Variants in MLYCD observed in about 807,000 individuals in gnomAD.
MLYCD encodes malonyl-CoA decarboxylase, mitochondrial.
A neutral mutation model predicts 35.8 loss-of-function variants in MLYCD; 27 were observed. That is an observed-to-expected ratio of 0.75 (90% CI 0.56 to 1.04). The LOEUF (loss-of-function observed/expected upper bound fraction) is 1.04, where lower values mean the gene tolerates loss of function less well. MLYCD is among the 50% of genes least tolerant of loss of function. The pLI is 0.00. For synonymous variants in MLYCD, 403 were observed against 302.4 expected (o/e 1.33, Z -3.45); for missense variants, 917 against 665.1 (o/e 1.38, Z -4.17).
chr16:83,900,582 A>ATTTTTTT (rs1156957811), intron 1 of MLYCD, among the ~76,000 whole-genome samples: 5 of 121,066 alleles, frequency 4.1e-5, no homozygotes, highest in African/African-American at 6.3e-5. Context: ...TGCCCGGCTA[A>ATTTTTTT]TTTTTTTTTT....
intron 3 of MLYCD, among the ~76,000 whole-genome samples, chr16:83,909,587 C>G (rs948938438): frequency 6.6e-6 from 1 of 150,714 alleles, no homozygotes; most frequent in African/African-American, 2.4e-5. Flanking sequence ...TGTTATTGCC[C>G]TGAGCACCCT....
chr16:83,899,721 T>C (rs749494289), intron 1 of MLYCD, 49 bp downstream of exon 1: 1 of 1,476,088 alleles, frequency 6.8e-7, no homozygotes, highest in Admixed American at 2.2e-5. Flanking sequence ...GCCGCCCTCC[T>C]CGAGTAGTCC....
At chr16:83,900,732 A>C (rs1906756706) in intron 1 of MLYCD, among the ~76,000 whole-genome samples, 1 of 152,036 alleles carries the variant, frequency 6.6e-6, no homozygotes, top group Non-Finnish European at 1.5e-5. Context: ...GTGTTAAAAA[A>C]AAATTGAACA....
Position 83,915,069 on chromosome 16 carries a change from C to G in MLYCD, c.1062C>G (p.Leu354=), listed in dbSNP as rs757083879. 9 of 1,614,132 alleles carry G rather than the reference C, an allele frequency of 5.6e-6. No individual in the cohort carries two copies. The highest frequency in any genetic ancestry group is 1.7e-5 in the Admixed American group (1 of 60,006). ...SQTKEHGRNE[L]FTDSECKEIS... is the part of the protein sequence containing the mutation. ...CGAAGGAGCATGGGAGGAATGAACT[C>G]TTTACAGATTCGGAATGTAAGGAAA... Residue 354 remains leucine (L), a synonymous_variant, in exon 5 of 5, where the codon CTC becomes CTG. Transcript: ENST00000262430.
chr16:83,908,817 AC>A (rs1907072254), intron 3 of MLYCD, among the ~76,000 whole-genome samples: 1 of 152,226 alleles, frequency 6.6e-6, no homozygotes, highest in Admixed American at 6.5e-5. Context: ...AATGTCTGAA[AC>A]ACTCCTGCAG....
At chr16:83,904,957 C>T (rs1039891236) in intron 1 of MLYCD, among the ~76,000 whole-genome samples, 8 of 152,226 alleles carry the variant, frequency 5.3e-5, no homozygotes, top group African/African-American at 1.9e-4. Flanking sequence ...TGGCCTCTTT[C>T]GTGCCCTAGT....
chr16:83,926,786 G>T lies in MLYCD; in HGVS notation c.*11297G>T, dbSNP rs1907820841. The T allele has an allele frequency of 6.6e-6, 1 of 152,252 alleles. No individual in the cohort carries two copies. The highest frequency in any genetic ancestry group is 1.5e-5 in the Non-Finnish European group (1 of 68,072). 9.4% of individuals were successfully genotyped at this position (152,252 alleles called of 1,614,324 possible). On this transcript the variant is annotated 3_prime_UTR_variant, in exon 5 of 5. Transcript: ENST00000262430. ...ATGCTGAAAATGAGTCTCTGGGACA[G>T]ATGGATCCCAGTCTGGGTCCTCGCA...
In MLYCD at chr16:83,915,261, C is replaced by A; in HGVS notation, c.1254C>A (p.Pro418=). 5 of 1,612,294 alleles carry A rather than the reference C, an allele frequency of 3.1e-6. No individual in the cohort carries two copies. Among genetic ancestry groups the A allele is most frequent in the Non-Finnish European group, 2.5e-6 (3 of 1,178,466 alleles). The change falls in exon 5 of 5, where the codon CCC becomes CCA. Residue 418 remains proline, a synonymous_variant. Transcript: ENST00000262430. ...GEKHRGYALN[P]VANFHLQNGA... is the part of the protein sequence containing the mutation. Reference sequence around the variant, plus strand: ...AGCACCGCGGCTACGCGCTGAACCCCGTGGCCAACTTCCACCTGCAGAACG... The same window carrying A: ...AGCACCGCGGCTACGCGCTGAACCCAGTGGCCAACTTCCACCTGCAGAACG...
chr16:83,899,232 G>A lies in MLYCD; in HGVS notation c.88G>A (p.Gly30Arg), dbSNP rs1238509627. ...GCCGCCCGGGCCCCGGCTGGCGAGC[G>A]GGCAGGCGGCCGGCGCCCTGGAGCG... is the stretch of plus-strand genomic sequence containing the variant. ...PRPPGPRLAS[G>R]QAAGALERAM... Residue 30 changes from glycine to arginine, a missense_variant, in exon 1 of 5, where the codon GGG becomes AGG. Transcript: ENST00000262430. 4.8e-6 allele frequency: 6 copies of A among 1,247,032 alleles called. No individual in the cohort carries two copies. In the South Asian group the frequency reaches 1.2e-4, roughly 26 times the overall value. 77.2% of individuals were successfully genotyped at this position (1,247,032 alleles called of 1,614,324 possible).
rs565872083 is a variant in MLYCD at position 83,917,189 on chromosome 16, C to T, written c.*1700C>T. ...TGTGCACGAGCGTCTCTGTGTGTGTCAGTGCACGTCTGTGTGTGCACGAGC... is the reference window on the plus strand; with the variant it reads ...TGTGCACGAGCGTCTCTGTGTGTGTTAGTGCACGTCTGTGTGTGCACGAGC... On this transcript the variant is annotated 3_prime_UTR_variant, in exon 5 of 5. Transcript: ENST00000262430. 3.6e-5 allele frequency: 5 copies of T among 139,484 alleles called. No homozygotes were observed. Among genetic ancestry groups the T allele is most frequent in the Non-Finnish European group, 7.6e-5 (5 of 66,060 alleles). 8.6% of individuals were successfully genotyped at this position (139,484 alleles called of 1,614,324 possible).
rs1179004849 is a variant in MLYCD, at chr16:83,917,182, T to G, written c.*1693T>G. ...GTGTGCGTGTGCACGAGCGTCTCTGTGTGTGTCAGTGCACGTCTGTGTGTG... is the reference window on the plus strand; with the variant it reads ...GTGTGCGTGTGCACGAGCGTCTCTGGGTGTGTCAGTGCACGTCTGTGTGTG... On this transcript the variant is annotated 3_prime_UTR_variant, in exon 5 of 5. Transcript: ENST00000262430. The G allele has an allele frequency of 7.0e-6, 1 of 143,570 alleles. No homozygotes were observed. Among genetic ancestry groups the G allele is most frequent in the African/African-American group, 2.6e-5 (1 of 37,758 alleles). 8.9% of individuals were successfully genotyped at this position (143,570 alleles called of 1,614,324 possible).
At chr16:83,901,608 C>G (rs1158192020) in intron 1 of MLYCD, among the ~76,000 whole-genome samples, 3 of 152,204 alleles carry the variant, frequency 2.0e-5, no homozygotes, top group Admixed American at 1.3e-4. Flanking sequence ...TCTGAATTCT[C>G]TGGTTCTGTG....
At position 83,920,533 on chromosome 16, in the gene MLYCD, C is replaced by G. The variant is rs892605408; in HGVS notation, c.*5044C>G. The G allele has an allele frequency of 6.6e-6, 1 of 152,386 alleles. No homozygotes were observed. The highest frequency in any genetic ancestry group is 2.4e-5 in the African/African-American group (1 of 41,448). 9.4% of individuals were successfully genotyped at this position (152,386 alleles called of 1,614,324 possible). On this transcript the variant is annotated 3_prime_UTR_variant, in exon 5 of 5. Transcript: ENST00000262430. ...CTCTTCCCTTTCCCCTTCCTCCCTC[C>G]TGCCCTCGAATCTGCAAGGTCTCTC...
chr16:83,912,140 C>A (rs999111142), intron 3 of MLYCD, 78 bp from the exon 4 acceptor site: 7 of 1,593,796 alleles, frequency 4.4e-6, no homozygotes, highest in Admixed American at 1.7e-5. Flanking sequence ...GAATTGTCTT[C>A]TCGTCCCAGC....
At chr16:83,909,231 C>G (rs934547346) in intron 3 of MLYCD, among the ~76,000 whole-genome samples, 1 of 151,618 alleles carries the variant, frequency 6.6e-6, no homozygotes, top group African/African-American at 2.4e-5. Context: ...CAATTCCACT[C>G]CTAGGAACTT....
At position 83,925,751 on chromosome 16, in the gene MLYCD, C is replaced by A. The variant is rs147883247; in HGVS notation, c.*10262C>A. On this transcript the variant is annotated 3_prime_UTR_variant, in exon 5 of 5. Transcript: ENST00000262430. Reference sequence around the variant, plus strand: ...TGCGTGGCACATGCTCCTCCCTCTTCTTGAAACGCTCTCCCCTCCCTGCCT... The same window carrying A: ...TGCGTGGCACATGCTCCTCCCTCTTATTGAAACGCTCTCCCCTCCCTGCCT... The A allele has an allele frequency of 6.5e-6, 1 of 152,720 alleles. No individual in the cohort carries two copies. Among genetic ancestry groups the A allele is most frequent in the Non-Finnish European group, 1.5e-5 (1 of 68,332 alleles). The allele number at this position is 152,720 out of a possible 1,614,324, so 9.5% of individuals were successfully genotyped here. A position where few individuals can be genotyped will look rare whatever the true frequency, so the allele number is the denominator to read the frequency against.
At chr16:83,904,411 G>T (rs2151055623) in intron 1 of MLYCD, among the ~76,000 whole-genome samples, 1 of 152,218 alleles carries the variant, frequency 6.6e-6, no homozygotes, top group South Asian at 2.1e-4. Context: ...AGTGTGAGAG[G>T]ATCCCAGGAA....
In MLYCD at chr16:83,915,352, G is replaced by T; in HGVS notation, c.1345G>T (p.Gly449Cys). The change falls in exon 5 of 5, where the codon GGC becomes TGC. Residue 449 changes from glycine (G) to cysteine (C), a missense_variant. Gly to Cys is a radical substitution (Grantham distance 159). Transcript: ENST00000262430. ...VSLRGITGSC[G>C]LMANYRYFLE... ...CCTCAGAGGCATCACCGGCTCCTGC[G>T]GCCTGATGGCCAACTACCGCTACTT... 1 of 1,613,738 alleles carries T rather than the reference G, an allele frequency of 6.2e-7. No homozygotes were observed. The highest frequency in any genetic ancestry group is 8.5e-7 in the Non-Finnish European group (1 of 1,180,036).
At chr16:83,900,249 C>T (rs886611151) in intron 1 of MLYCD, among the ~76,000 whole-genome samples, 5 of 152,152 alleles carry the variant, frequency 3.3e-5, no homozygotes, top group Admixed American at 6.5e-5. Context: ...TCCCTGCGTT[C>T]AGTACTTAAT....
Sources: allele counts gnomAD v4.1 joint callset (sites outside exome capture counted in the v4.1 genomes callset), GRCh38; gene constraint gnomAD v4.1.1; transcripts MANE v1.5; gene names NCBI Gene and HGNC (gene_info 2026-07-23, HGNC 2026-07-21).